The following ATAD2B variants were observed in gnomAD, a reference collection of about 807,000 sequenced individuals.
The protein encoded by ATAD2B is ATPase family AAA domain containing 2B.
ATAD2B carries 40 observed loss-of-function variants against 167.6 expected under a neutral mutation model. The ratio of observed to expected loss-of-function variants is 0.24; its 90% CI spans 0.19 to 0.31. The LOEUF (loss-of-function observed/expected upper bound fraction) is 0.31. Among genes scored for constraint, ATAD2B ranks in the 10% least tolerant of loss-of-function variants. The pLI, the probability that ATAD2B is intolerant of heterozygous loss-of-function variation, is 1.00. For missense variants in ATAD2B, 1,242 were observed against 1,757.2 expected (o/e 0.71, Z 5.24); for synonymous variants, 579 against 596.5 (o/e 0.97, Z 0.43).
intron 1 of ATAD2B, among the ~76,000 whole-genome samples, chr2:23,921,205 C>CAAAAAAAAAA (rs61004964): frequency 9.3e-5 from 3 of 32,280 alleles, no homozygotes; most frequent in African/African-American, 1.3e-4. Flanking sequence ...GACTCCATCT[C>CAAAAAAAAAA]AAAAAAAAAA....
intron 20 of ATAD2B, among the ~76,000 whole-genome samples, chr2:23,786,523 G>A (rs1237367897): frequency 6.6e-6 from 1 of 152,024 alleles, no homozygotes; most frequent in Admixed American, 6.6e-5. Flanking sequence ...AATACTGTAG[G>A]CAACTGTAGC....
chr2:23,764,276 C>T (rs1218220798), intron 23 of ATAD2B, among the ~76,000 whole-genome samples: 2 of 152,194 alleles, frequency 1.3e-5, no homozygotes, highest in Non-Finnish European at 2.9e-5. Flanking sequence ...GGCAATTCGA[C>T]CAATTCATTT....
At chr2:23,801,004 T>C (rs187833388) in intron 18 of ATAD2B, among the ~76,000 whole-genome samples, 7 of 152,210 alleles carry the variant, frequency 4.6e-5, no homozygotes, top group African/African-American at 1.7e-4. Context: ...TTCTCCTAAG[T>C]CTTTAGAGGA....
intron 8 of ATAD2B, chr2:23,872,546 C>T (rs1696159584): frequency 2.0e-6 from 2 of 985,672 alleles, no homozygotes; most frequent in South Asian, 1.3e-5. Context: ...GTCCTTCAGA[C>T]TCTCACAGGA....
chr2:23,799,458 A>G (rs1489911902), intron 18 of ATAD2B, among the ~76,000 whole-genome samples: 2 of 151,048 alleles, frequency 1.3e-5, no homozygotes, highest in African/African-American at 4.9e-5. Flanking sequence ...CTGTAGTCCC[A>G]GCTACTCAGG....
chr2:23,737,622 ACT>A, the ATAD2B span, among the ~76,000 whole-genome samples: 4 of 152,196 alleles, frequency 2.6e-5, no homozygotes, highest in Non-Finnish European at 5.9e-5. Flanking sequence ...AAAACTGGAA[ACT>A]CTAAAAATCA....
chr2:23,711,802 G>A, the ATAD2B span, among the ~76,000 whole-genome samples: 1 of 152,168 alleles, frequency 6.6e-6, no homozygotes, highest in Admixed American at 6.5e-5. Context: ...AAAATATGCT[G>A]CCATGTATTC....
intron 8 of ATAD2B, among the ~76,000 whole-genome samples, chr2:23,873,456 G>A (rs1696310235): frequency 6.6e-6 from 1 of 152,150 alleles, no homozygotes; most frequent in Non-Finnish European, 1.5e-5. Flanking sequence ...AAATAGTATA[G>A]TGTTTGCACA....
At chr2:23,896,514 CGT>C (rs1209769189) in intron 1 of ATAD2B, among the ~76,000 whole-genome samples, 1 of 151,892 alleles carries the variant, frequency 6.6e-6, no homozygotes, top group Non-Finnish European at 1.5e-5. Context: ...CAAGAAAGGG[CGT>C]GTGTTCTTAA....
chr2:23,923,968 G>T (rs1364275811), intron 1 of ATAD2B, among the ~76,000 whole-genome samples: 1 of 152,044 alleles, frequency 6.6e-6, no homozygotes, highest in African/African-American at 2.4e-5. Flanking sequence ...TGATGACGAG[G>T]TCAGGAGATC....
chr2:23,800,170 C>T (rs1683251960), intron 18 of ATAD2B, among the ~76,000 whole-genome samples: 1 of 151,694 alleles, frequency 6.6e-6, no homozygotes, highest in Non-Finnish European at 1.5e-5. Flanking sequence ...CTTTCCAGTT[C>T]CCCACTCTGT....
At chr2:23,736,863 C>T in the ATAD2B span, among the ~76,000 whole-genome samples, 10 of 152,278 alleles carry the variant, frequency 6.6e-5, no homozygotes, top group East Asian at 1.9e-4. Context: ...GCTTTTCCAA[C>T]GGGCTTAAAA....
At chr2:23,691,268 G>A in the ATAD2B span, 22 of 259,242 alleles carry the variant, frequency 8.5e-5, no homozygotes, top group South Asian at 4.3e-4. Flanking sequence ...CCTGGGTCAC[G>A]TTGGAGAATC....
chr2:23,684,681 CT>C, the ATAD2B span: 2 of 661,008 alleles, frequency 3.0e-6, no homozygotes, highest in Non-Finnish European at 2.5e-6. This position sits in a 1 kb window ranked among gnomAD's most constrained non-coding sequence, Gnocchi z 4.4. Flanking sequence ...CCTCCTCCTC[CT>C]CCTCCCCAGT....
intron 18 of ATAD2B, among the ~76,000 whole-genome samples, chr2:23,808,108 A>ATTATATATCGG (rs1163629631): frequency 1.6e-5 from 2 of 125,754 alleles, no homozygotes; most frequent in East Asian, 4.2e-4. Context: ...TATATAAGTA[A>ATTATATATCGG]TTATATATAT....
the ATAD2B span, among the ~76,000 whole-genome samples, chr2:23,706,251 G>T: frequency 2.6e-4 from 39 of 152,324 alleles, no homozygotes; most frequent in Non-Finnish European, 3.2e-4. Context: ...CAGGGAGGGA[G>T]CGCCTTCTGC....
intron 1 of ATAD2B, among the ~76,000 whole-genome samples, chr2:23,907,325 C>A (rs1701645033): frequency 6.6e-6 from 1 of 151,912 alleles, no homozygotes; most frequent in African/African-American, 2.4e-5. Flanking sequence ...ACACCAACAA[C>A]AGACAAACAG....
At chr2:23,697,601 G>A in the ATAD2B span, 1 of 152,206 alleles carries the variant, frequency 6.6e-6, no homozygotes, top group Admixed American at 6.5e-5. Flanking sequence ...CTTGACAAAT[G>A]TTACAGCAAA....
At chr2:23,838,167 G>A (rs1690310079) in intron 13 of ATAD2B, among the ~76,000 whole-genome samples, 1 of 152,202 alleles carries the variant, frequency 6.6e-6, no homozygotes, top group South Asian at 2.1e-4. Context: ...GGAAGGATGT[G>A]TGATTCTTCT....
Sources: gnomAD v4.1 joint callset for allele counts (sites outside exome capture counted in the v4.1 genomes callset) on GRCh38, gnomAD v4.1.1 for gene constraint, Gnocchi (gnomAD v3.1) non-coding constraint, MANE v1.5 for transcripts, NCBI Gene and HGNC (gene_info 2026-07-23, HGNC 2026-07-21) for gene names.